The following GABRG3 variants were observed in gnomAD, a reference collection of about 807,000 sequenced individuals.
GABRG3 encodes gamma-aminobutyric acid type A receptor subunit gamma3.
GABRG3 carries 25 observed loss-of-function variants against 48.8 expected under a neutral mutation model. The observed-to-expected ratio is 0.51, with a 90% confidence interval of 0.37 to 0.72. The LOEUF is 0.72. Among genes scored for constraint, GABRG3 ranks in the 30% least tolerant of loss-of-function variants. GABRG3 has a pLI of 0.00. For synonymous variants in GABRG3, 227 were observed against 217.6 expected (o/e 1.04, Z -0.38); for missense variants, 394 against 577.9 (o/e 0.68, Z 3.26).
chr15:27,095,533 C>T (rs573381887), intron 3 of GABRG3, among the ~76,000 whole-genome samples: 14 of 152,152 alleles, frequency 9.2e-5, no homozygotes, highest in Admixed American at 7.2e-4. Context: ...TTCCTCGTGG[C>T]GTTACACGTG....
chr15:27,059,670 T>A (rs1357818011), intron 3 of GABRG3, among the ~76,000 whole-genome samples: 1 of 152,246 alleles, frequency 6.6e-6, no homozygotes. Context: ...GTTCCAAGAC[T>A]GTGGTCCTGA....
rs923702424 is a variant in GABRG3 at position 27,319,835 on chromosome 15, A to AT, written c.271-6967dup. On this transcript the variant is annotated intron_variant, in intron 3 of 9. Transcript: ENST00000615808. This position sits in a 1 kb window ranked among gnomAD's most constrained non-coding sequence, Gnocchi z 4.4. ...TGTAGGCTCTGGGTAGCCATGATACATTTTTTTAATAGCAGCATATATGGT... is the reference window on the plus strand; with the variant it reads ...TGTAGGCTCTGGGTAGCCATGATACATTTTTTTTAATAGCAGCATATATGGT... Among the ~76,000 whole-genome samples the AT allele has an allele frequency of 8.5e-5, 13 of 152,292 alleles. No homozygotes were observed. The East Asian group carries it at 2.1e-3, about 25-fold the overall frequency.
chr15:27,128,618 G>A (rs1463756765), intron 3 of GABRG3, among the ~76,000 whole-genome samples: 1 of 152,172 alleles, frequency 6.6e-6, no homozygotes, highest in Non-Finnish European at 1.5e-5. Context: ...TGAAATAAGT[G>A]CAACACTGAG....
At chr15:27,360,794 G>A (rs1894995731) in intron 5 of GABRG3, among the ~76,000 whole-genome samples, 1 of 152,208 alleles carries the variant, frequency 6.6e-6, no homozygotes, top group Non-Finnish European at 1.5e-5. Flanking sequence ...GTGTTAACCT[G>A]TCTGCCTCAG....
At chr15:27,487,640 C>G (rs1393688746) in intron 6 of GABRG3, among the ~76,000 whole-genome samples, 1 of 152,200 alleles carries the variant, frequency 6.6e-6, no homozygotes, top group Non-Finnish European at 1.5e-5. Context: ...ATATACCAAA[C>G]AGTACATCCC....
chr15:27,500,344 C>T (rs556831687), intron 6 of GABRG3, among the ~76,000 whole-genome samples: 3 of 152,138 alleles, frequency 2.0e-5, no homozygotes, highest in Non-Finnish European at 4.4e-5. Flanking sequence ...ACACACAGCC[C>T]GAGGCAGAAG....
At chr15:27,107,177 T>C (rs1897464364) in intron 3 of GABRG3, among the ~76,000 whole-genome samples, 1 of 152,046 alleles carries the variant, frequency 6.6e-6, no homozygotes, top group Admixed American at 6.6e-5. Context: ...CCATTAAATA[T>C]GATGTTAGGT....
intron 6 of GABRG3, among the ~76,000 whole-genome samples, chr15:27,508,620 C>G (rs977823261): frequency 6.6e-6 from 1 of 152,162 alleles, no homozygotes; most frequent in African/African-American, 2.4e-5. Flanking sequence ...TATTCCATAT[C>G]TCTGAAGAAC....
intron 5 of GABRG3, among the ~76,000 whole-genome samples, chr15:27,370,154 A>C (rs987322886): frequency 5.9e-5 from 9 of 152,340 alleles, no homozygotes; most frequent in Admixed American, 2.6e-4. Context: ...TATTGGGGTT[A>C]CTCACTTATC....
chr15:27,130,509 A>G (rs1116884), intron 3 of GABRG3, among the ~76,000 whole-genome samples: 42,783 of 151,914 alleles, frequency 0.28, 6,546 homozygotes, highest in Non-Finnish European at 0.34. Flanking sequence ...CTTCAAGACT[A>G]TTTTGGATAT....
intron 3 of GABRG3, among the ~76,000 whole-genome samples, chr15:27,045,423 T>G (rs1380900429): frequency 6.6e-6 from 1 of 152,246 alleles, no homozygotes; most frequent in Non-Finnish European, 1.5e-5. Context: ...TCATTATTAG[T>G]TTGCACACAA....
intron 3 of GABRG3, among the ~76,000 whole-genome samples, chr15:27,190,328 A>G (rs891009979): frequency 2.0e-5 from 3 of 152,196 alleles, no homozygotes; most frequent in African/African-American, 4.8e-5. Context: ...TACCTCTGGT[A>G]GAATTCGGCT....
intron 2 of GABRG3, among the ~76,000 whole-genome samples, chr15:26,993,952 A>T (rs1331342748): frequency 2.0e-5 from 3 of 151,980 alleles, no homozygotes; most frequent in Non-Finnish European, 4.4e-5. Flanking sequence ...TTTATCATTG[A>T]TAATGATCCT....
At chr15:27,255,948 T>C (rs1053493710) in intron 3 of GABRG3, among the ~76,000 whole-genome samples, 5 of 152,228 alleles carry the variant, frequency 3.3e-5, no homozygotes, top group Non-Finnish European at 5.9e-5. Context: ...ACCCTCTCTC[T>C]CCACCAAAGA....
At chr15:27,041,618 C>T (rs76209017) in intron 3 of GABRG3, among the ~76,000 whole-genome samples, 1 of 152,198 alleles carries the variant, frequency 6.6e-6, no homozygotes, top group Admixed American at 6.5e-5. Flanking sequence ...AATAAACTTT[C>T]CCTTTTTGGT....
At chr15:27,490,162 A>G (rs1376815977) in intron 6 of GABRG3, among the ~76,000 whole-genome samples, 1 of 152,256 alleles carries the variant, frequency 6.6e-6, no homozygotes, top group East Asian at 1.9e-4. Context: ...GGATACAAAT[A>G]AATGAACCAA....
At position 27,249,551 on chromosome 15, in the gene GABRG3, G is replaced by A. The variant is rs143251390; in HGVS notation, c.271-77258G>A. Among the ~76,000 whole-genome samples, 105 of 152,298 alleles carry A rather than the reference G, an allele frequency of 6.9e-4. 2 individuals are homozygous for A. The East Asian group carries it at 0.019, about 28-fold the overall frequency. ...CGACATCTGCTTCATAAGGTTCTGTGCTCACCACTGGATGCACTGTAGCTT... is the reference window on the plus strand; with the variant it reads ...CGACATCTGCTTCATAAGGTTCTGTACTCACCACTGGATGCACTGTAGCTT... On this transcript the variant is annotated intron_variant, in intron 3 of 9. Transcript: ENST00000615808.
At chr15:27,081,741 G>A (rs978924918) in intron 3 of GABRG3, among the ~76,000 whole-genome samples, 11 of 152,184 alleles carry the variant, frequency 7.2e-5, no homozygotes, top group Non-Finnish European at 1.5e-4. Flanking sequence ...CAGAACCAGC[G>A]GCTGAGAGCC....
intron 3 of GABRG3, among the ~76,000 whole-genome samples, chr15:27,248,414 C>G (rs1284510881): frequency 6.6e-6 from 1 of 152,162 alleles, no homozygotes; most frequent in African/African-American, 2.4e-5. Flanking sequence ...TGGCCTCCCA[C>G]TAGTCCTGTG....
Sources: allele counts gnomAD v4.1 joint callset (sites outside exome capture counted in the v4.1 genomes callset), GRCh38; gene constraint gnomAD v4.1.1; non-coding constraint Gnocchi (gnomAD v3.1); transcripts MANE v1.5; gene names NCBI Gene and HGNC (gene_info 2026-07-23, HGNC 2026-07-21).